Variants in DSCAM observed in about 807,000 individuals in gnomAD.
DSCAM encodes DS cell adhesion molecule.
In DSCAM, 47 loss-of-function variants were observed where a neutral mutation model predicts 217.7. The observed-to-expected ratio is 0.22, with a 90% CI of 0.17 to 0.28. DSCAM has a LOEUF of 0.28. DSCAM is among the 10% of genes least tolerant of loss of function. The pLI, the probability that DSCAM is intolerant of heterozygous loss-of-function variation, is 1.00. For missense variants in DSCAM, 2,080 were observed against 2,618.3 expected (o/e 0.79, Z 4.49); for synonymous variants, 1,056 against 1,015.3 (o/e 1.04, Z -0.76).
At chr21:40,227,295 G>A (rs1297568262) in intron 11 of DSCAM, among the ~76,000 whole-genome samples, 1 of 152,162 alleles carries the variant, frequency 6.6e-6, no homozygotes, top group Non-Finnish European at 1.5e-5. Context: ...CCAGAAGACA[G>A]GTGCATCCTG....
rs1407749651 is a variant in DSCAM, at chr21:40,780,441, A to ATATATATATATC, written c.43+66177_43+66178insGATATATATATA. Among the ~76,000 whole-genome samples the ATATATATATATC allele has an allele frequency of 7.1e-5, 10 of 141,312 alleles. No individual in the cohort carries two copies. The Admixed American group carries it at 7.3e-4, about 10-fold the overall frequency. The allele number at this position is 141,312 out of a possible 152,430, so 92.7% of individuals were successfully genotyped here. On this transcript the variant is annotated intron_variant, in intron 1 of 32. Coordinates refer to ENST00000400454, the MANE Select transcript of DSCAM (RefSeq NM_001389.5). Reference sequence around the variant, plus strand: ...TGTGTGTGTATATATATATATATATATATATATCTCCTGTTATCCTATTTA... The same window carrying ATATATATATATC: ...TGTGTGTGTATATATATATATATATATATATATATATCTATATATCTCCTGTTATCCTATTTA...
chr21:40,788,366 C>A (rs1231420419), intron 1 of DSCAM, among the ~76,000 whole-genome samples: 1 of 152,066 alleles, frequency 6.6e-6, no homozygotes, highest in Non-Finnish European at 1.5e-5. Context: ...AAATTTGGTT[C>A]CCCTTTGTGT....
At chr21:40,234,917 A>G (rs2091413132) in intron 11 of DSCAM, among the ~76,000 whole-genome samples, 1 of 152,176 alleles carries the variant, frequency 6.6e-6, no homozygotes, top group South Asian at 2.1e-4. Flanking sequence ...CTTCGTAAGC[A>G]TATCAGGGCA....
In DSCAM at chr21:40,358,633, C is replaced by T. The variant is rs149595171; in HGVS notation, c.656-4890G>A. The stretch of plus-strand genomic sequence containing the variant: ...ACGAGCCTGGCCAACATGGTGGAAC[C>T]CCGTCTCTACTAAAAATACAAAAAT... On this transcript the variant is annotated intron_variant, in intron 4 of 32. Transcript: ENST00000400454. Among the ~76,000 whole-genome samples, 405 of 151,866 alleles carry T rather than the reference C, an allele frequency of 2.7e-3. 2 individuals carry two copies. Among genetic ancestry groups the T allele is most frequent in the African/African-American group, 9.1e-3 (377 of 41,418 alleles).
Position 40,167,227 on chromosome 21 carries a change from G to C in DSCAM, c.3009C>G (p.Val1003=). 1 of 1,613,978 alleles carries C rather than the reference G, an allele frequency of 6.2e-7. No homozygotes were observed. The highest frequency in any genetic ancestry group is 8.5e-7 in the Non-Finnish European group (1 of 1,179,960). ...LEPISSQSIR[V]TWKAPKKHLQ... ...TGTTTGCTGAGTTTACCTTCCATGT[G>C]ACCCTGATGCTCTGAGATGATATAG... Residue 1003 remains valine, a synonymous_variant, in exon 16 of 33, where the codon GTC becomes GTG. Coordinates refer to ENST00000400454, the MANE Select transcript of DSCAM (RefSeq NM_001389.5).
chr21:40,405,660 C>T (rs776182009), intron 3 of DSCAM, among the ~76,000 whole-genome samples: 13 of 152,010 alleles, frequency 8.6e-5, no homozygotes, highest in Non-Finnish European at 1.8e-4. Context: ...AGCAAATAAT[C>T]TAATTAAAAA....
intron 1 of DSCAM, among the ~76,000 whole-genome samples, chr21:40,792,261 C>T (rs569075720): frequency 6.6e-6 from 1 of 151,558 alleles, no homozygotes; most frequent in African/African-American, 2.4e-5. Context: ...GCCTCAGCCT[C>T]CTGAGTACGT....
intron 3 of DSCAM, among the ~76,000 whole-genome samples, chr21:40,424,150 T>C (rs1420566795): frequency 6.6e-6 from 1 of 152,214 alleles, no homozygotes; most frequent in Non-Finnish European, 1.5e-5. Flanking sequence ...CAGCATGACG[T>C]ACCTTTTAAA....
At chr21:40,692,741 T>C (rs1349195443) in intron 3 of DSCAM, 69 bp downstream of exon 3, 2 of 1,540,164 alleles carry the variant, frequency 1.3e-6, no homozygotes, top group Non-Finnish European at 1.8e-6. Flanking sequence ...GGAGACCCGA[T>C]TCCATCTCTG....
intron 3 of DSCAM, among the ~76,000 whole-genome samples, chr21:40,376,568 T>TATATCGATATCTATATAG (rs2074958903): frequency 2.1e-5 from 1 of 48,314 alleles, no homozygotes. Context: ...CTATATATCT[T>TATATCGATATCTATATAG]ATATCGATAT....
At chr21:40,589,412 C>T (rs1412911369) in intron 3 of DSCAM, among the ~76,000 whole-genome samples, 1 of 152,108 alleles carries the variant, frequency 6.6e-6, no homozygotes, top group African/African-American at 2.4e-5. Context: ...CCCGTCCCTA[C>T]TAAAAATACA....
intron 20 of DSCAM, among the ~76,000 whole-genome samples, chr21:40,111,439 C>A (rs1233948960): frequency 6.6e-6 from 1 of 151,988 alleles, no homozygotes; most frequent in Non-Finnish European, 1.5e-5. Context: ...AAGGAACAAC[C>A]AGTACCAGTC....
chr21:40,331,966 G>T lies in DSCAM; in HGVS notation c.1783+6135C>A, dbSNP rs2074382282. Among the ~76,000 whole-genome samples, 3 of 152,110 alleles carry T rather than the reference G, an allele frequency of 2.0e-5. 1 individual carries two copies. In the South Asian group the frequency reaches 6.2e-4, roughly 32 times the overall value. Reference sequence around the variant, plus strand: ...CTGAAGCCAGAATGGTGATCCACAGGCACTTAAGACCAACCCCGCCATCCA... The same window carrying T: ...CTGAAGCCAGAATGGTGATCCACAGTCACTTAAGACCAACCCCGCCATCCA... On this transcript the variant is annotated intron_variant, in intron 8 of 32. Transcript: ENST00000400454.
At chr21:40,212,317 G>C (rs2091193619) in intron 11 of DSCAM, 1 of 154,248 alleles carries the variant, frequency 6.5e-6, no homozygotes, top group Non-Finnish European at 1.5e-5. Context: ...TCAAGGCATA[G>C]AGAACAACAC....
intron 3 of DSCAM, among the ~76,000 whole-genome samples, chr21:40,557,882 A>G (rs966097118): frequency 6.6e-6 from 1 of 152,216 alleles, no homozygotes; most frequent in Non-Finnish European, 1.5e-5. Flanking sequence ...ATCTCACTAG[A>G]CCATACCAAG....
intron 10 of DSCAM, among the ~76,000 whole-genome samples, chr21:40,290,338 T>G (rs192366646): frequency 3.3e-5 from 5 of 152,258 alleles, no homozygotes; most frequent in African/African-American, 1.2e-4. Context: ...TTACCAGACT[T>G]CAGGGCAGGT....
intron 1 of DSCAM, among the ~76,000 whole-genome samples, chr21:40,766,040 A>C (rs2091385401): frequency 6.6e-6 from 1 of 152,246 alleles, no homozygotes. Context: ...ACAGCTGGCA[A>C]GCCAGCCTCT....
chr21:40,044,326 G>T, intron 30 of DSCAM, 51 bp from the exon 31 acceptor site: 1 of 1,565,434 alleles, frequency 6.4e-7, no homozygotes. Context: ...AGTGTGGTCA[G>T]CTGAGAGCAA....
At chr21:40,325,923 A>C (rs1364106064) in intron 8 of DSCAM, among the ~76,000 whole-genome samples, 1 of 152,172 alleles carries the variant, frequency 6.6e-6, no homozygotes, top group African/African-American at 2.4e-5. Context: ...TTAATACTAC[A>C]CATGGACACA....
Sources: gnomAD v4.1 joint callset for allele counts (sites outside exome capture counted in the v4.1 genomes callset) on GRCh38, gnomAD v4.1.1 for gene constraint, MANE v1.5 for transcripts, NCBI Gene and HGNC (gene_info 2026-07-23, HGNC 2026-07-21) for gene names.